The following CFAP54 variants were observed in gnomAD, a reference collection of about 807,000 sequenced individuals.
CFAP54 encodes cilia- and flagella-associated protein 54.
A neutral mutation model predicts 370.4 loss-of-function variants in CFAP54; 290 were observed. That is an observed-to-expected ratio of 0.78 (90% CI 0.71 to 0.86). The LOEUF (loss-of-function observed/expected upper bound fraction) is 0.86. CFAP54 is among the 40% of genes least tolerant of loss of function. CFAP54 has a pLI of 0.00. For missense variants in CFAP54, 3,399 were observed against 3,528.7 expected (o/e 0.96, Z 0.93); for synonymous variants, 1,206 against 1,236.5 (o/e 0.98, Z 0.52).
chr12:96,491,093 C>T (rs1954879114), intron 1 of CFAP54, among the ~76,000 whole-genome samples: 1 of 152,056 alleles, frequency 6.6e-6, no homozygotes, highest in African/African-American at 2.4e-5. Context: ...ACCTTGACCT[C>T]CCAAAGTATT....
chr12:96,675,656 C>T (rs937054654), intron 39 of CFAP54, among the ~76,000 whole-genome samples: 3 of 152,092 alleles, frequency 2.0e-5, no homozygotes, highest in African/African-American at 7.2e-5. Context: ...TATCGCAGCA[C>T]TATTCACAAT....
intron 9 of CFAP54, among the ~76,000 whole-genome samples, chr12:96,529,577 T>G (rs7314750): frequency 0.42 from 64,594 of 152,036 alleles, 14,254 homozygotes; most frequent in South Asian, 0.47. Flanking sequence ...TGTTGCAGTA[T>G]AAACTTAAAT....
At chr12:96,557,482 A>G (rs1228077641) in intron 17 of CFAP54, among the ~76,000 whole-genome samples, 1 of 152,164 alleles carries the variant, frequency 6.6e-6, no homozygotes, top group Non-Finnish European at 1.5e-5. Context: ...AACTACAGAT[A>G]GAAGGATGCT....
At chr12:96,641,466 T>G (rs531123305) in intron 32 of CFAP54, among the ~76,000 whole-genome samples, 1 of 152,030 alleles carries the variant, frequency 6.6e-6, no homozygotes, top group South Asian at 2.1e-4. Flanking sequence ...AGGAACACTT[T>G]TATGCTGTTG....
chr12:96,716,969 G>A (rs1171563795), intron 48 of CFAP54, among the ~76,000 whole-genome samples: 5 of 152,156 alleles, frequency 3.3e-5, no homozygotes, highest in Non-Finnish European at 7.3e-5. Flanking sequence ...GCTATGCAAT[G>A]GAGAAGGTGA....
At position 96,576,621 on chromosome 12, in the gene CFAP54, C is replaced by A. The variant is rs1362211781; in HGVS notation, c.2656C>A (p.Gln886Lys). Residue 886 changes from glutamine to lysine, a missense_variant, in exon 20 of 68, where the codon CAA becomes AAA. Physicochemically the swap from Gln to Lys is moderately conservative, Grantham distance 53. This residue lies in a region of CFAP54 where 2,796 missense variants were observed against 2,869.7 expected (regional missense o/e 0.97). Coordinates refer to ENST00000524981, the MANE Select transcript of CFAP54 (RefSeq NM_001306084.2). ...YSLIQRIEAE[Q>K]NALYSYQKYL... is the part of the protein sequence containing the mutation. ...CTTAATTCAGAGGATTGAAGCTGAA[C>A]AAAATGCCCTATATTCCTATCAGAA... The A allele has an allele frequency of 6.5e-7, 1 of 1,534,332 alleles. No individual in the cohort carries two copies.
intron 17 of CFAP54, among the ~76,000 whole-genome samples, chr12:96,555,696 A>C (rs1260328559): frequency 6.6e-6 from 1 of 151,580 alleles, no homozygotes; most frequent in Non-Finnish European, 1.5e-5. Flanking sequence ...CTAACCAAAG[A>C]GCTACAAGTA....
intron 58 of CFAP54, among the ~76,000 whole-genome samples, chr12:96,758,734 C>A (rs1048394532): frequency 1.3e-5 from 2 of 152,144 alleles, no homozygotes; most frequent in Non-Finnish European, 2.9e-5. Flanking sequence ...AGAGGGGTCG[C>A]ATCTTGTAGC....
chr12:96,521,657 C>G (rs1955321642), intron 6 of CFAP54, among the ~76,000 whole-genome samples, 200 bp from the exon 7 acceptor site: 1 of 152,002 alleles, frequency 6.6e-6, no homozygotes, highest in African/African-American at 2.4e-5. Context: ...TTCATAATTC[C>G]TAAAGTCACC....
At chr12:96,825,560 A>G (rs1242791017) in intron 65 of CFAP54, among the ~76,000 whole-genome samples, 1 of 114,362 alleles carries the variant, frequency 8.7e-6, no homozygotes, top group East Asian at 2.5e-4. Context: ...TATTATATAT[A>G]CTATATTTAC....
At chr12:96,640,294 C>T (rs1053420290) in intron 32 of CFAP54, among the ~76,000 whole-genome samples, 1 of 151,418 alleles carries the variant, frequency 6.6e-6, no homozygotes, top group African/African-American at 2.4e-5. Flanking sequence ...AACAGACAAA[C>T]AGCCAAATCA....
At chr12:96,664,907 T>C (rs916359843) in intron 39 of CFAP54, among the ~76,000 whole-genome samples, 10 of 151,182 alleles carry the variant, frequency 6.6e-5, no homozygotes, top group African/African-American at 2.4e-4. Flanking sequence ...TTTTCCACAA[T>C]GGTTGAACTA....
intron 50 of CFAP54, among the ~76,000 whole-genome samples, chr12:96,725,935 A>G (rs1422537174): frequency 6.7e-6 from 1 of 149,644 alleles, no homozygotes; most frequent in Non-Finnish European, 1.5e-5. Context: ...TGAGATAATC[A>G]TGTGGTTTTT....
intron 66 of CFAP54, among the ~76,000 whole-genome samples, chr12:96,856,527 C>T (rs144835285): frequency 3.9e-5 from 6 of 152,092 alleles, no homozygotes; most frequent in Non-Finnish European, 8.8e-5. Context: ...GGCAAAAGGC[C>T]GCCAGTCTCT....
chr12:96,609,239 C>G (rs1956330494), intron 26 of CFAP54, among the ~76,000 whole-genome samples: 1 of 152,140 alleles, frequency 6.6e-6, no homozygotes, highest in South Asian at 2.1e-4. Flanking sequence ...GGCATTTGGT[C>G]ACTTTCTGGT....
intron 48 of CFAP54, among the ~76,000 whole-genome samples, chr12:96,713,766 A>G (rs1182032285): frequency 6.6e-6 from 1 of 152,012 alleles, no homozygotes; most frequent in Non-Finnish European, 1.5e-5. Flanking sequence ...CACAGGTCTA[A>G]AAGAGGAGAG....
At chr12:96,815,241 G>A (rs1024649540) in intron 64 of CFAP54, among the ~76,000 whole-genome samples, 1 of 152,102 alleles carries the variant, frequency 6.6e-6, no homozygotes, top group African/African-American at 2.4e-5. Context: ...TTTAATGATT[G>A]CCATTCTAAC....
At chr12:96,613,557 T>A (rs1275932559) in intron 26 of CFAP54, among the ~76,000 whole-genome samples, 1 of 151,968 alleles carries the variant, frequency 6.6e-6, no homozygotes, top group African/African-American at 2.4e-5. Flanking sequence ...CAAAAAACCT[T>A]CAAAAAATCA....
chr12:96,535,728 T>C (rs1955495562), intron 12 of CFAP54, 128 bp downstream of exon 12: 1 of 558,022 alleles, frequency 1.8e-6, no homozygotes. Flanking sequence ...ATCATTAGCA[T>C]ATAGGATTAA....
Sources: gnomAD v4.1 joint callset for allele counts (sites outside exome capture counted in the v4.1 genomes callset) on GRCh38, gnomAD v4.1.1 for gene constraint, gnomAD v4.1.1 regional missense constraint, MANE v1.5 for transcripts, NCBI Gene and HGNC (gene_info 2026-07-23, HGNC 2026-07-21) for gene names.